Variants in MTUS2 observed in about 807,000 individuals in gnomAD.
MTUS2 encodes the protein microtubule associated scaffold protein 2.
MTUS2 carries 40 observed loss-of-function variants against 114.1 expected under a neutral mutation model. The ratio of observed to expected loss-of-function variants is 0.35; its 90% CI spans 0.27 to 0.46. The LOEUF is 0.46. Ranked by LOEUF, MTUS2 falls within the 20% of genes least tolerant of loss-of-function variation. The probability of loss-of-function intolerance (pLI) is 1.00; values close to 1 mark genes in which losing one functional copy is unlikely to be tolerated. For synonymous variants in MTUS2, 688 were observed against 672.0 expected (o/e 1.02, Z -0.37); for missense variants, 1,679 against 1,705.4 (o/e 0.98, Z 0.27).
At chr13:28,881,410 G>T (rs1471716368) in intron 2 of MTUS2, among the ~76,000 whole-genome samples, 1 of 151,890 alleles carries the variant, frequency 6.6e-6, no homozygotes. Flanking sequence ...CTATGATTTT[G>T]CTGTTGTGAA....
At chr13:28,846,886 T>C (rs1240750585) in intron 2 of MTUS2, among the ~76,000 whole-genome samples, 2 of 152,222 alleles carry the variant, frequency 1.3e-5, no homozygotes, top group Non-Finnish European at 2.9e-5. Context: ...GAACAGACAT[T>C]ATTTCCTTAC....
At chr13:29,452,012 C>T (rs913119282) in intron 9 of MTUS2, among the ~76,000 whole-genome samples, 7 of 152,188 alleles carry the variant, frequency 4.6e-5, no homozygotes, top group Non-Finnish European at 8.8e-5. Context: ...AAAATAATAT[C>T]AGTTCTAAGC....
At chr13:29,366,054 T>G (rs1411657124) in intron 8 of MTUS2, among the ~76,000 whole-genome samples, 13 of 152,222 alleles carry the variant, frequency 8.5e-5, no homozygotes, top group Non-Finnish European at 2.9e-5. Flanking sequence ...AAGACTATAA[T>G]GAAGGGGCTG....
chr13:29,451,794 C>T (rs1878702098), intron 9 of MTUS2, among the ~76,000 whole-genome samples: 1 of 152,020 alleles, frequency 6.6e-6, no homozygotes, highest in African/African-American at 2.4e-5. Flanking sequence ...CACCATATTT[C>T]TCCAGGCTGG....
At chr13:29,199,079 G>A (rs1219955717) in intron 5 of MTUS2, among the ~76,000 whole-genome samples, 1 of 152,028 alleles carries the variant, frequency 6.6e-6, no homozygotes, top group African/African-American at 2.4e-5. Context: ...TGATTGCCCT[G>A]GCTAGGGAAA....
rs1886440194 is a variant in MTUS2, at chr13:29,024,848, G to C, written c.150G>C (p.Glu50Asp). 6.2e-7 allele frequency: 1 copy of C among 1,613,990 alleles called. No homozygotes were observed. Residue 50 changes from glutamate (E) to aspartate (D), a missense_variant, in exon 3 of 16, where the codon GAG becomes GAC. By Grantham distance (45) the Glu-to-Asp change is conservative (BLOSUM62 2). This residue lies in a region of MTUS2 where 843 missense variants were observed against 770.8 expected (regional missense o/e 1.09). Coordinates refer to ENST00000612955, the MANE Select transcript of MTUS2 (RefSeq NM_001033602.4). ...IMLEVSSSHD[E>D]SKTCDLGDEI... is the part of the protein sequence containing the mutation. ...TGGAGGTCAGCTCCTCTCATGACGA[G>C]TCCAAGACATGTGACCTGGGAGATG...
chr13:29,496,032 A>G lies in MTUS2; in HGVS notation c.3580-1206A>G, dbSNP rs1882534019. On this transcript the variant is annotated intron_variant, in intron 12 of 15. Coordinates refer to ENST00000612955, the MANE Select transcript of MTUS2 (RefSeq NM_001033602.4). The surrounding 1 kb of genome is among the most constrained non-coding windows in gnomAD (Gnocchi z 4.3). ...GATATTACAGAAATGGTCCTGTGCA[A>G]AGAGCTTTGGACTGGTCTGCATGAG... 6.6e-6 allele frequency among the ~76,000 whole-genome samples: 1 copy of G among 152,084 alleles called. No homozygotes were observed. The highest frequency in any genetic ancestry group is 6.5e-5 in the Admixed American group (1 of 15,274).
chr13:29,163,867 A>G (rs1314259832), intron 5 of MTUS2, among the ~76,000 whole-genome samples: 2 of 152,148 alleles, frequency 1.3e-5, no homozygotes, highest in Admixed American at 6.5e-5. Flanking sequence ...ACTAACCTCC[A>G]TGATGTCTTC....
chr13:29,050,140 C>A (rs1402717680), intron 4 of MTUS2, among the ~76,000 whole-genome samples: 2 of 152,314 alleles, frequency 1.3e-5, no homozygotes, highest in Middle Eastern at 3.4e-3. Context: ...TGCTAGGCCC[C>A]AGATTCAAGA....
At chr13:29,167,435 T>A (rs1249865385) in intron 5 of MTUS2, among the ~76,000 whole-genome samples, 140 of 134,274 alleles carry the variant, frequency 1.0e-3, no homozygotes, top group Non-Finnish European at 1.4e-3. Context: ...TTTTTTTTTT[T>A]AAATAAATTA....
At chr13:29,494,267 G>C (rs530656355) in intron 12 of MTUS2, among the ~76,000 whole-genome samples, 1 of 152,202 alleles carries the variant, frequency 6.6e-6, no homozygotes, top group Admixed American at 6.5e-5. Context: ...AACAAGCATT[G>C]TTACATTTAT....
chr13:29,348,260 G>C (rs190837328), intron 7 of MTUS2, among the ~76,000 whole-genome samples: 1 of 151,872 alleles, frequency 6.6e-6, no homozygotes, highest in African/African-American at 2.4e-5. Context: ...CTGTTACCCA[G>C]GAAATTCCAA....
chr13:29,061,500 AG>A (rs887827855), intron 4 of MTUS2, among the ~76,000 whole-genome samples: 211 of 152,326 alleles, frequency 1.4e-3, no homozygotes, highest in African/African-American at 4.8e-3. Context: ...ATTCATCCAA[AG>A]GGTTAATGGG....
chr13:29,286,301 A>G (rs144498140), intron 6 of MTUS2, among the ~76,000 whole-genome samples: 4 of 152,346 alleles, frequency 2.6e-5, no homozygotes, highest in Middle Eastern at 3.4e-3. Context: ...ATTCACATAT[A>G]TGAAATGCTA....
chr13:29,389,410 C>CAT (rs1491092637), intron 8 of MTUS2, among the ~76,000 whole-genome samples: 3 of 76,472 alleles, frequency 3.9e-5, no homozygotes, highest in Admixed American at 1.4e-4. Context: ...TATGTATACA[C>CAT]GTGTGTGTGT....
chr13:28,827,205 C>T (rs1384946112), intron 1 of MTUS2, among the ~76,000 whole-genome samples: 1 of 152,186 alleles, frequency 6.6e-6, no homozygotes, highest in Admixed American at 6.5e-5. Flanking sequence ...AAGCCTGATG[C>T]ATTTTCCATT....
chr13:29,462,231 A>G (rs1189465884), intron 9 of MTUS2, among the ~76,000 whole-genome samples: 1 of 152,178 alleles, frequency 6.6e-6, no homozygotes, highest in African/African-American at 2.4e-5. Flanking sequence ...AAAAGTGTTC[A>G]AGAAATGGCA....
intron 2 of MTUS2, among the ~76,000 whole-genome samples, chr13:28,888,490 T>C (rs1403794319): frequency 2.0e-5 from 3 of 151,836 alleles, no homozygotes; most frequent in Non-Finnish European, 4.4e-5. Context: ...GGCATTATCT[T>C]GGCTCACCGC....
chr13:29,059,987 C>T (rs1431276954), intron 4 of MTUS2, among the ~76,000 whole-genome samples: 3 of 152,182 alleles, frequency 2.0e-5, no homozygotes, highest in Non-Finnish European at 2.9e-5. Context: ...CTGCCTGGCT[C>T]CCAGTGGCAG....
Sources: allele counts gnomAD v4.1 joint callset (sites outside exome capture counted in the v4.1 genomes callset), GRCh38; gene constraint gnomAD v4.1.1; regional missense constraint gnomAD v4.1.1; non-coding constraint Gnocchi (gnomAD v3.1); transcripts MANE v1.5; gene names NCBI Gene and HGNC (gene_info 2026-07-23, HGNC 2026-07-21).